The following PRKD1 variants were observed in gnomAD, a reference collection of about 807,000 sequenced individuals.
The protein encoded by PRKD1 is serine/threonine-protein kinase D1.
Under a neutral mutation model 95.9 loss-of-function variants are expected in PRKD1, and 63 were observed. The observed-to-expected ratio is 0.66, with a 90% CI of 0.54 to 0.81. PRKD1 has a LOEUF of 0.81. PRKD1 is among the 30% of genes least tolerant of loss of function. The pLI, the probability that PRKD1 is intolerant of heterozygous loss-of-function variation, is 0.00. For missense variants in PRKD1, 1,048 were observed against 1,165.3 expected, an observed-to-expected ratio of 0.90 and a Z score of 1.47; for synonymous variants, 425 against 423.1, an observed-to-expected ratio of 1.00 and a Z score of -0.05.
chr14:29,693,122 C>G (rs1428737625), intron 2 of PRKD1, among the ~76,000 whole-genome samples: 3 of 152,088 alleles, frequency 2.0e-5, no homozygotes, highest in Non-Finnish European at 2.9e-5. Context: ...ACAACTTCTG[C>G]AAAGTATTTG....
In PRKD1 at chr14:29,778,504, A is replaced by G. The variant is rs532112954; in HGVS notation, c.265-52830T>C. Among the ~76,000 whole-genome samples the G allele has an allele frequency of 6.6e-5, 10 of 152,342 alleles. No individual in the cohort carries two copies. The South Asian group carries it at 2.1e-3, about 32-fold the overall frequency. ...ACAAACTACCATCACAGAATATCAA[A>G]AACATCTCTATGCAAATAAACTAGA... is the stretch of plus-strand genomic sequence containing the variant. On this transcript the variant is annotated intron_variant, in intron 1 of 17. Coordinates refer to ENST00000331968, the MANE Select transcript of PRKD1 (RefSeq NM_002742.3).
At chr14:29,629,295 A>G (rs534400584) in intron 10 of PRKD1, among the ~76,000 whole-genome samples, 7 of 152,334 alleles carry the variant, frequency 4.6e-5, no homozygotes, top group African/African-American at 1.7e-4. Flanking sequence ...TTGAAAAATA[A>G]TATTTCATCA....
Position 29,882,723 on chromosome 14 carries a change from C to T in PRKD1, c.264+44526G>A, listed in dbSNP as rs180725695. Among the ~76,000 whole-genome samples the T allele has an allele frequency of 1.2e-4, 19 of 152,312 alleles. No individual in the cohort carries two copies. In the East Asian group the frequency reaches 3.7e-3, roughly 29 times the overall value. On this transcript the variant is annotated intron_variant, in intron 1 of 17. Transcript: ENST00000331968. ...CTCTATATTTGACTACACTAGACAC[C>T]TCATACAAGTTAAATCAGAGAGTAT... is the stretch of plus-strand genomic sequence containing the variant.
At chr14:29,858,877 C>A (rs1892603824) in intron 1 of PRKD1, among the ~76,000 whole-genome samples, 1 of 152,118 alleles carries the variant, frequency 6.6e-6, no homozygotes, top group Non-Finnish European at 1.5e-5. Context: ...GGCACTATAA[C>A]CTATTGCACC....
chr14:29,688,667 C>T (rs1057467448), intron 2 of PRKD1, among the ~76,000 whole-genome samples: 7 of 152,016 alleles, frequency 4.6e-5, no homozygotes, highest in East Asian at 1.9e-4. Context: ...CATGATGGTT[C>T]GTCCCTGTAA....
intron 1 of PRKD1, among the ~76,000 whole-genome samples, chr14:29,918,635 C>A (rs1325060871): frequency 6.6e-6 from 1 of 152,104 alleles, no homozygotes; most frequent in East Asian, 1.9e-4. Flanking sequence ...TCCTCTCCTC[C>A]CCAATCTCTC....
At chr14:29,851,544 A>G (rs1482337041) in intron 1 of PRKD1, among the ~76,000 whole-genome samples, 2 of 152,136 alleles carry the variant, frequency 1.3e-5, no homozygotes, top group African/African-American at 4.8e-5. Flanking sequence ...ACAATTTCAC[A>G]CCAGTCAGAA....
chr14:29,633,237 A>AT (rs1271035702), intron 8 of PRKD1, among the ~76,000 whole-genome samples: 1 of 152,184 alleles, frequency 6.6e-6, no homozygotes, highest in African/African-American at 2.4e-5. Flanking sequence ...AGAAAACATC[A>AT]TTTTTAAGCT....
At chr14:29,912,756 A>G (rs1349310351) in intron 1 of PRKD1, among the ~76,000 whole-genome samples, 2 of 152,240 alleles carry the variant, frequency 1.3e-5, no homozygotes, top group African/African-American at 4.8e-5. Context: ...CTCCAGTGAA[A>G]AGAACACAAT....
chr14:29,871,525 T>G (rs1414290933), intron 1 of PRKD1, among the ~76,000 whole-genome samples: 2 of 152,184 alleles, frequency 1.3e-5, no homozygotes, highest in African/African-American at 4.8e-5. Context: ...CTCGAACAAG[T>G]GACTTGCCCT....
chr14:29,651,770 T>C (rs564692459), intron 4 of PRKD1, among the ~76,000 whole-genome samples: 1 of 152,018 alleles, frequency 6.6e-6, no homozygotes, highest in African/African-American at 2.4e-5. Context: ...TGAGACCGAG[T>C]TTTGTTCTTG....
intron 1 of PRKD1, among the ~76,000 whole-genome samples, chr14:29,902,987 C>T (rs548009532): frequency 2.0e-5 from 3 of 152,348 alleles, no homozygotes; most frequent in South Asian, 4.1e-4. Flanking sequence ...TTAAAATCCA[C>T]GTTATAATGC....
chr14:29,643,188 T>C lies in PRKD1; in HGVS notation c.697-4284A>G, dbSNP rs111764773. Among the ~76,000 whole-genome samples, 828 of 152,230 alleles carry C rather than the reference T, an allele frequency of 5.4e-3. 8 individuals are homozygous for C. Among genetic ancestry groups the C allele is most frequent in the African/African-American group, 0.018 (755 of 41,548 alleles). On this transcript the variant is annotated intron_variant, in intron 4 of 17. Coordinates refer to ENST00000331968, the MANE Select transcript of PRKD1 (RefSeq NM_002742.3). ...TAAGAATTGACATCACTGTAAAATATGGTAGTGAGATAGATGCATATAAAT... is the reference window on the plus strand; with the variant it reads ...TAAGAATTGACATCACTGTAAAATACGGTAGTGAGATAGATGCATATAAAT...
chr14:29,889,928 A>C (rs1410010674), intron 1 of PRKD1, among the ~76,000 whole-genome samples: 2 of 152,238 alleles, frequency 1.3e-5, no homozygotes, highest in African/African-American at 2.4e-5. Flanking sequence ...CATTCATCCA[A>C]CAAGAATTTA....
rs1880386685 is a variant in PRKD1 at position 29,636,480 on chromosome 14, C to A, written c.1000G>T (p.Gly334Trp). ...VTINGDLLSP[G>W]AESDVVMEEG... ...TCCATGACCACATCAGACTCTGCCC[C>A]AGGGCTAAGCAAATCTAGAAAATTA... The change falls in exon 7 of 18, where the codon GGG becomes TGG. Residue 334 changes from glycine to tryptophan, a missense_variant. Physicochemically the swap from Gly to Trp is radical, Grantham distance 184 (BLOSUM62 -2). Coordinates refer to ENST00000331968, the MANE Select transcript of PRKD1 (RefSeq NM_002742.3). 1 of 1,614,108 alleles carries A rather than the reference C, an allele frequency of 6.2e-7. No individual in the cohort carries two copies. Among genetic ancestry groups the A allele is most frequent in the East Asian group, 2.2e-5 (1 of 44,870 alleles).
chr14:29,774,825 T>C (rs922850633), intron 1 of PRKD1, among the ~76,000 whole-genome samples: 2 of 152,098 alleles, frequency 1.3e-5, no homozygotes, highest in East Asian at 1.9e-4. Context: ...CTTCAAACAG[T>C]TAGGAGATAC....
At chr14:29,666,756 C>G (rs1170611893) in intron 2 of PRKD1, among the ~76,000 whole-genome samples, 1 of 152,012 alleles carries the variant, frequency 6.6e-6, no homozygotes, top group East Asian at 1.9e-4. Flanking sequence ...TGTATAATAA[C>G]TAAGCATTTA....
chr14:29,615,469 T>C (rs546099699), intron 13 of PRKD1, among the ~76,000 whole-genome samples: 9 of 152,368 alleles, frequency 5.9e-5, no homozygotes, highest in South Asian at 4.1e-4. Context: ...AAAACCTGTT[T>C]ATGTTGCTGA....
chr14:29,917,343 A>G (rs1158447210), intron 1 of PRKD1, among the ~76,000 whole-genome samples: 1 of 152,202 alleles, frequency 6.6e-6, no homozygotes, highest in African/African-American at 2.4e-5. Context: ...ACTTTTATTA[A>G]CACTTTAACC....
Sources: gnomAD v4.1 joint callset for allele counts (sites outside exome capture counted in the v4.1 genomes callset) on GRCh38, gnomAD v4.1.1 for gene constraint, MANE v1.5 for transcripts, NCBI Gene and HGNC (gene_info 2026-07-23, HGNC 2026-07-21) for gene names.